Variants in MDGA2 observed in about 807,000 individuals in gnomAD.
The protein encoded by MDGA2 is MAM domain-containing glycosylphosphatidylinositol anchor protein 2.
A neutral mutation model predicts 117.8 loss-of-function variants in MDGA2; 40 were observed. That is an observed-to-expected ratio of 0.34 (90% CI 0.26 to 0.44). The LOEUF (loss-of-function observed/expected upper bound fraction) is 0.44, where lower values mean the gene tolerates loss of function less well. MDGA2 is among the 20% of genes least tolerant of loss of function. The pLI, the probability that MDGA2 is intolerant of heterozygous loss-of-function variation, is 1.00. For missense variants in MDGA2, 1,123 were observed against 1,250.6 expected, an observed-to-expected ratio of 0.90 and a Z score of 1.54; for synonymous variants, 452 against 439.0, an observed-to-expected ratio of 1.03 and a Z score of -0.37.
At chr14:46,911,770 C>T (rs1038012312) in intron 10 of MDGA2, among the ~76,000 whole-genome samples, 1 of 151,988 alleles carries the variant, frequency 6.6e-6, no homozygotes, top group African/African-American at 2.4e-5. Flanking sequence ...AAATAAAGCC[C>T]CAAACACTTA....
intron 8 of MDGA2, among the ~76,000 whole-genome samples, chr14:47,022,151 A>T (rs532906244): frequency 6.6e-6 from 1 of 152,192 alleles, no homozygotes; most frequent in South Asian, 2.1e-4. Context: ...GTGACACAAT[A>T]ACGGCTCACT....
At chr14:47,623,827 T>C (rs897268015) in intron 1 of MDGA2, among the ~76,000 whole-genome samples, 9 of 152,214 alleles carry the variant, frequency 5.9e-5, no homozygotes, top group Non-Finnish European at 1.0e-4. Context: ...AAACAATCTA[T>C]GCAGAAAAGT....
chr14:47,346,188 G>A (rs1470294549), intron 1 of MDGA2, among the ~76,000 whole-genome samples: 1 of 152,006 alleles, frequency 6.6e-6, no homozygotes, highest in Non-Finnish European at 1.5e-5. Context: ...ACCACTATGT[G>A]CCCCAAAAAT....
chr14:47,355,619 G>A (rs962871042), intron 1 of MDGA2, among the ~76,000 whole-genome samples: 3 of 152,040 alleles, frequency 2.0e-5, no homozygotes, highest in African/African-American at 7.2e-5. Flanking sequence ...CAGAGAAAGT[G>A]CTCCCAATCC....
chr14:47,173,225 G>T (rs1884250927), intron 3 of MDGA2, among the ~76,000 whole-genome samples: 1 of 152,162 alleles, frequency 6.6e-6, no homozygotes, highest in Non-Finnish European at 1.5e-5. Context: ...AAAACACTCT[G>T]CAGGATATTA....
At chr14:47,269,458 A>G (rs910213161) in intron 2 of MDGA2, among the ~76,000 whole-genome samples, 5 of 152,152 alleles carry the variant, frequency 3.3e-5, no homozygotes, top group African/African-American at 1.2e-4. Context: ...TTCATTGAAA[A>G]TTTAGGAGAC....
intron 10 of MDGA2, among the ~76,000 whole-genome samples, chr14:46,901,851 T>C (rs1883299294): frequency 6.6e-6 from 1 of 152,190 alleles, no homozygotes; most frequent in African/African-American, 2.4e-5. Flanking sequence ...CTGAGAGCTA[T>C]GTCCAAGTCT....
At chr14:46,926,881 T>C (rs2138532053) in intron 9 of MDGA2, among the ~76,000 whole-genome samples, 2 of 152,226 alleles carry the variant, frequency 1.3e-5, no homozygotes, top group East Asian at 3.9e-4. Context: ...AAAAGATATG[T>C]GATTTGAGAA....
At chr14:47,070,103 A>C (rs1890225153) in intron 6 of MDGA2, among the ~76,000 whole-genome samples, 1 of 152,130 alleles carries the variant, frequency 6.6e-6, no homozygotes, top group Non-Finnish European at 1.5e-5. Context: ...TTAAATGTAC[A>C]ATTAAATAAT....
intron 1 of MDGA2, among the ~76,000 whole-genome samples, chr14:47,613,465 T>A (rs1896889427): frequency 1.9e-5 from 2 of 102,994 alleles, no homozygotes. Context: ...TTTATCTCTC[T>A]CTCTCTCTCT....
At chr14:47,452,188 C>G (rs1041316746) in intron 1 of MDGA2, among the ~76,000 whole-genome samples, 1 of 152,002 alleles carries the variant, frequency 6.6e-6, no homozygotes, top group Admixed American at 6.6e-5. Context: ...CCTCCCCCAC[C>G]ACACAAACTT....
At chr14:47,602,716 C>G (rs1457625019) in intron 1 of MDGA2, among the ~76,000 whole-genome samples, 3 of 152,126 alleles carry the variant, frequency 2.0e-5, no homozygotes, top group Admixed American at 6.6e-5. Flanking sequence ...ACCAGTTTGT[C>G]TGTAGCATGC....
intron 1 of MDGA2, among the ~76,000 whole-genome samples, chr14:47,639,172 C>T (rs903324068): frequency 2.6e-5 from 4 of 152,096 alleles, no homozygotes; most frequent in Non-Finnish European, 4.4e-5. Context: ...ACCTGATATG[C>T]GTGAGTATAA....
At chr14:47,489,373 T>C (rs1210196156) in intron 1 of MDGA2, among the ~76,000 whole-genome samples, 1 of 152,072 alleles carries the variant, frequency 6.6e-6, no homozygotes, top group Admixed American at 6.6e-5. Context: ...GGCTTTTTAG[T>C]TTATGTTTTA....
intron 1 of MDGA2, among the ~76,000 whole-genome samples, chr14:47,304,310 A>G (rs11849357): frequency 0.28 from 42,319 of 152,028 alleles, 6,687 homozygotes; most frequent in Admixed American, 0.47. Context: ...TCCTGTGGCT[A>G]GTTGTGGCTA....
intron 1 of MDGA2, among the ~76,000 whole-genome samples, chr14:47,667,908 A>G (rs1028842096): frequency 6.6e-6 from 1 of 152,234 alleles, no homozygotes; most frequent in African/African-American, 2.4e-5. Context: ...TATAGATTTG[A>G]GCAGGAACAG....
intron 2 of MDGA2, among the ~76,000 whole-genome samples, chr14:47,235,559 G>T (rs1020749744): frequency 1.3e-5 from 2 of 152,142 alleles, no homozygotes; most frequent in African/African-American, 4.8e-5. Flanking sequence ...CTGAAGCAAG[G>T]ATTAGAGTAC....
chr14:47,104,288 C>G (rs10146177), intron 5 of MDGA2, among the ~76,000 whole-genome samples: 77,989 of 150,534 alleles, frequency 0.52, 20,655 homozygotes, highest in African/African-American at 0.64. Flanking sequence ...AATCACAAAA[C>G]AAGTGAATAT....
At chr14:47,053,419 T>A (rs928221173) in intron 7 of MDGA2, among the ~76,000 whole-genome samples, 1 of 151,604 alleles carries the variant, frequency 6.6e-6, no homozygotes, top group Non-Finnish European at 1.5e-5. Context: ...TCTCAAACCA[T>A]TTTGTTCTCT....
Sources: gnomAD v4.1 joint callset for allele counts (sites outside exome capture counted in the v4.1 genomes callset) on GRCh38, gnomAD v4.1.1 for gene constraint, MANE v1.5 for transcripts, NCBI Gene and HGNC (gene_info 2026-07-23, HGNC 2026-07-21) for gene names.